Variants in SNCAIP observed in about 807,000 individuals in gnomAD.
SNCAIP encodes synuclein alpha interacting protein.
SNCAIP carries 43 observed loss-of-function variants against 86.7 expected under a neutral mutation model. The ratio of observed to expected loss-of-function variants is 0.50; its 90% CI spans 0.39 to 0.64. The LOEUF (loss-of-function observed/expected upper bound fraction) is 0.64. Ranked by LOEUF, SNCAIP falls within the 30% of genes least tolerant of loss-of-function variation. The pLI is 0.00. For missense variants in SNCAIP, 981 were observed against 1,103.1 expected, an observed-to-expected ratio of 0.89 and a Z score of 1.57; for synonymous variants, 417 against 427.2, an observed-to-expected ratio of 0.98 and a Z score of 0.29.
intron 3 of SNCAIP, among the ~76,000 whole-genome samples, chr5:122,409,809 A>G (rs918345734): frequency 2.0e-5 from 3 of 152,244 alleles, no homozygotes; most frequent in Non-Finnish European, 2.9e-5. Context: ...CTGTTATGAC[A>G]TAGTTGGTGA....
chr5:122,425,603 A>G, intron 5 of SNCAIP, 72 bp downstream of exon 5: 1 of 1,271,726 alleles, frequency 7.9e-7, no homozygotes, highest in East Asian at 2.3e-5. Context: ...CTTGTGAGCT[A>G]AAGTGTTGGA....
At chr5:122,376,372 T>C (rs1301567137) in intron 1 of SNCAIP, among the ~76,000 whole-genome samples, 3 of 152,106 alleles carry the variant, frequency 2.0e-5, no homozygotes, top group Admixed American at 2.0e-4. Flanking sequence ...CCATTTCAGG[T>C]GTGCCAAAAT....
chr5:122,369,188 CAATTT>C (rs1233492759), intron 1 of SNCAIP, among the ~76,000 whole-genome samples: 1 of 152,172 alleles, frequency 6.6e-6, no homozygotes, highest in African/African-American at 2.4e-5. Flanking sequence ...ATTACATACT[CAATTT>C]AAAGGAGCAA....
intron 1 of SNCAIP, among the ~76,000 whole-genome samples, chr5:122,386,306 A>G (rs1161699310): frequency 2.6e-5 from 4 of 152,102 alleles, no homozygotes; most frequent in South Asian, 2.1e-4. Context: ...TTATTATGCA[A>G]TGTGGTTCTC....
chr5:122,315,444 C>A (rs553729808), intron 1 of SNCAIP, among the ~76,000 whole-genome samples: 2 of 152,284 alleles, frequency 1.3e-5, no homozygotes, highest in African/African-American at 2.4e-5. Context: ...GCTACTCTCC[C>A]ATTAGCCATG....
chr5:122,320,204 C>T (rs1486350237), intron 1 of SNCAIP, among the ~76,000 whole-genome samples: 4 of 152,216 alleles, frequency 2.6e-5, no homozygotes, highest in African/African-American at 9.6e-5. Context: ...CAGATAACAT[C>T]ATTAGAGTGA....
chr5:122,400,254 A>T (rs144814131), intron 2 of SNCAIP, among the ~76,000 whole-genome samples: 1 of 152,170 alleles, frequency 6.6e-6, no homozygotes. Flanking sequence ...ATGCTAAGGC[A>T]TATGGTCTTT....
chr5:122,401,256 G>T (rs1344137998), intron 2 of SNCAIP: 6 of 913,462 alleles, frequency 6.6e-6, no homozygotes, highest in Non-Finnish European at 9.4e-6. Context: ...AGACTTCTTG[G>T]ATCATTTGCT....
At chr5:122,428,350 T>A (rs924820939) in intron 5 of SNCAIP, among the ~76,000 whole-genome samples, 4 of 152,190 alleles carry the variant, frequency 2.6e-5, no homozygotes, top group African/African-American at 4.8e-5. Flanking sequence ...TTTATATTTA[T>A]GGCAAGTAAT....
intron 1 of SNCAIP, among the ~76,000 whole-genome samples, chr5:122,376,085 G>A (rs951362734): frequency 2.0e-5 from 3 of 152,104 alleles, no homozygotes; most frequent in African/African-American, 7.2e-5. Context: ...GCAAGTCTGG[G>A]ATTTGGACCC....
chr5:122,450,657 T>A lies in SNCAIP; in HGVS notation c.1810T>A (p.Ser604Thr). ...TCAGGTTCTTGGAAGCCTGTCAGCC[T>A]CCAGCCGGGCTAGACCCAAAGCAAA... ...GIQVLGSLSA[S>T]SRARPKAKDE... is the part of the protein sequence containing the mutation. Residue 604 changes from serine (S) to threonine (T), a missense_variant, in exon 10 of 11, where the codon TCC becomes ACC. Physicochemically the swap from Ser to Thr is moderately conservative, Grantham distance 58. Transcript: ENST00000261368. 1 of 1,614,114 alleles carries A rather than the reference T, an allele frequency of 6.2e-7. No individual in the cohort carries two copies. The highest frequency in any genetic ancestry group is 1.1e-5 in the South Asian group (1 of 91,088).
chr5:122,362,993 ATTTT>A (rs769726232), intron 1 of SNCAIP, among the ~76,000 whole-genome samples: 1 of 113,938 alleles, frequency 8.8e-6, no homozygotes. Flanking sequence ...CATAAATTCT[ATTTT>A]TTTTTTTTTT....
intron 10 of SNCAIP, among the ~76,000 whole-genome samples, chr5:122,458,243 A>G (rs1785264944): frequency 6.6e-6 from 1 of 152,196 alleles, no homozygotes; most frequent in Admixed American, 6.5e-5. Context: ...GACAACAGGA[A>G]GAGAACTGCC....
intron 1 of SNCAIP, among the ~76,000 whole-genome samples, chr5:122,357,939 A>G (rs1217985114): frequency 6.6e-6 from 1 of 152,110 alleles, no homozygotes; most frequent in Non-Finnish European, 1.5e-5. Context: ...CTGAGGGCAG[A>G]CAGCCTGTTT....
Position 122,354,968 on chromosome 5 carries a change from C to T in SNCAIP, c.-46-36121C>T, listed in dbSNP as rs181970835. On this transcript the variant is annotated intron_variant, in intron 1 of 10. Transcript: ENST00000261368. ...GGCATCACTCCCAAATCTGCAAGTG[C>T]CAGGATATAAAGTCTGGTTTTATGT... is the stretch of plus-strand genomic sequence containing the variant. 8.5e-4 allele frequency among the ~76,000 whole-genome samples: 130 copies of T among 152,182 alleles called. 1 individual carries two copies. The highest frequency in any genetic ancestry group is 3.0e-3 in the African/African-American group (123 of 41,508).
chr5:122,322,662 G>A (rs1753200302), intron 1 of SNCAIP, among the ~76,000 whole-genome samples: 2 of 152,200 alleles, frequency 1.3e-5, no homozygotes, highest in Admixed American at 6.5e-5. Context: ...TCTAGAAAAT[G>A]TTTTAAACAA....
intron 5 of SNCAIP, among the ~76,000 whole-genome samples, chr5:122,428,597 T>G (rs554678212): frequency 2.0e-5 from 3 of 151,952 alleles, no homozygotes; most frequent in Admixed American, 2.0e-4. Context: ...TTATTTTTAT[T>G]TATTTATTTA....
chr5:122,423,672 G>A lies in SNCAIP; in HGVS notation c.935G>A (p.Arg312Lys), dbSNP rs748847121. The A allele has an allele frequency of 6.2e-7, 1 of 1,609,842 alleles. No homozygotes were observed. The highest frequency in any genetic ancestry group is 1.7e-5 in the Admixed American group (1 of 59,988). ...ACCAGCTCCCAAGGCCCAGAAGAAAGGAGTGAGTATCTGAAAAAAGTGAAA... is the reference window on the plus strand; with the variant it reads ...ACCAGCTCCCAAGGCCCAGAAGAAAAGAGTGAGTATCTGAAAAAAGTGAAA... ...NRTSSQGPEE[R>K]SEYLKKVKSI... Residue 312 changes from arginine to lysine, a missense_variant, in exon 4 of 11, where the codon AGG becomes AAG. Physicochemically the swap from Arg to Lys is conservative, Grantham distance 26. Transcript: ENST00000261368.
chr5:122,400,938 A>G (rs1177645215), intron 2 of SNCAIP: 2 of 1,496,870 alleles, frequency 1.3e-6, no homozygotes, highest in African/African-American at 1.4e-5. Flanking sequence ...AGAAAATGTA[A>G]TGCTTCTTCA....
Sources: allele counts gnomAD v4.1 joint callset (sites outside exome capture counted in the v4.1 genomes callset), GRCh38; gene constraint gnomAD v4.1.1; transcripts MANE v1.5; gene names NCBI Gene and HGNC (gene_info 2026-07-23, HGNC 2026-07-21).